Variants in IQGAP2 observed in about 807,000 individuals in gnomAD.
IQGAP2 encodes the protein ras GTPase-activating-like protein IQGAP2.
Under a neutral mutation model 201.3 loss-of-function variants are expected in IQGAP2, and 173 were observed. The ratio of observed to expected loss-of-function variants is 0.86; its 90% CI spans 0.76 to 0.98. The LOEUF (loss-of-function observed/expected upper bound fraction) is 0.98, where lower values mean the gene tolerates loss of function less well. Among genes scored for constraint, IQGAP2 ranks in the 50% least tolerant of loss-of-function variants. The probability of loss-of-function intolerance (pLI) is 0.00; values close to 1 mark genes in which losing one functional copy is unlikely to be tolerated. For missense variants in IQGAP2, 1,687 were observed against 1,864.8 expected (o/e 0.90, Z 1.76); for synonymous variants, 675 against 673.9 (o/e 1.00, Z -0.03).
intron 2 of IQGAP2, among the ~76,000 whole-genome samples, chr5:76,526,905 T>C (rs1283750158): frequency 6.6e-6 from 1 of 152,236 alleles, no homozygotes; most frequent in African/African-American, 2.4e-5. Context: ...CTATAGGCCA[T>C]AAGGATGTGT....
intron 2 of IQGAP2, among the ~76,000 whole-genome samples, chr5:76,475,663 A>G (rs1319971089): frequency 6.6e-6 from 1 of 152,144 alleles, no homozygotes; most frequent in Admixed American, 6.5e-5. Context: ...TTTCCTTGGT[A>G]ATCTCAACCA....
intron 2 of IQGAP2, among the ~76,000 whole-genome samples, chr5:76,542,546 G>A (rs1011581368): frequency 1.2e-4 from 19 of 152,286 alleles, no homozygotes; most frequent in African/African-American, 4.1e-4. Flanking sequence ...ATAAATAATC[G>A]AGGTGATTAG....
At chr5:76,451,520 G>A (rs1487264127) in intron 1 of IQGAP2, among the ~76,000 whole-genome samples, 1 of 152,200 alleles carries the variant, frequency 6.6e-6, no homozygotes, top group East Asian at 1.9e-4. Context: ...CATGGCATTA[G>A]TCATCTTCTG....
intron 9 of IQGAP2, among the ~76,000 whole-genome samples, chr5:76,594,159 A>T (rs1746851952): frequency 6.6e-6 from 1 of 152,172 alleles, no homozygotes; most frequent in African/African-American, 2.4e-5. Context: ...AGTACAATTT[A>T]AAGTTTGTCT....
intron 9 of IQGAP2, among the ~76,000 whole-genome samples, chr5:76,593,953 A>G (rs745348504): frequency 6.6e-6 from 1 of 152,252 alleles, no homozygotes; most frequent in Non-Finnish European, 1.5e-5. Context: ...TAATTAAGGA[A>G]AGCCCCAGAG....
chr5:76,436,908 TATAC>T (rs558853159), intron 1 of IQGAP2, among the ~76,000 whole-genome samples: 4 of 151,906 alleles, frequency 2.6e-5, no homozygotes, highest in African/African-American at 4.8e-5. Flanking sequence ...ATGTTTATGT[TATAC>T]ATACATACAT....
rs888183216 is a variant in IQGAP2 at position 76,695,771 on chromosome 5, A to G, written c.4206+105A>G. The G allele has an allele frequency of 4.3e-5, 36 of 827,996 alleles. No homozygotes were observed. The East Asian group carries it at 9.7e-4, about 22-fold the overall frequency. 51.3% of individuals were successfully genotyped at this position (827,996 alleles called of 1,614,324 possible). ...GGTGGCATTAGGGATTCATGGTTGC[A>G]TATGCTGTGGTTACTGCCCTCTTCA... On this transcript the variant is annotated intron_variant, in intron 32 of 35. Transcript: ENST00000274364.
chr5:76,578,672 G>A (rs1176966107), intron 5 of IQGAP2, among the ~76,000 whole-genome samples: 1 of 152,062 alleles, frequency 6.6e-6, no homozygotes, highest in East Asian at 1.9e-4. Flanking sequence ...AGTAATGTAT[G>A]CTCATTGTGG....
intron 1 of IQGAP2, among the ~76,000 whole-genome samples, chr5:76,441,789 A>G (rs1753055818): frequency 6.6e-6 from 1 of 152,224 alleles, no homozygotes. Flanking sequence ...GAAAGCAAGA[A>G]TGAGAAATCC....
chr5:76,705,103 C>T (rs1030225917), intron 35 of IQGAP2, among the ~76,000 whole-genome samples: 1 of 152,068 alleles, frequency 6.6e-6, no homozygotes, highest in African/African-American at 2.4e-5. Flanking sequence ...GGTGGGCCTT[C>T]TTCCTCTCCT....
intron 1 of IQGAP2, among the ~76,000 whole-genome samples, chr5:76,449,522 A>G (rs1753602425): frequency 1.3e-5 from 2 of 152,234 alleles, no homozygotes; most frequent in South Asian, 2.1e-4. Flanking sequence ...AACATTAGTT[A>G]GAGACTTTGC....
chr5:76,464,805 A>G (rs1418451480), intron 2 of IQGAP2, among the ~76,000 whole-genome samples: 1 of 152,202 alleles, frequency 6.6e-6, no homozygotes, highest in East Asian at 1.9e-4. Context: ...CATGCCAATG[A>G]AAACTTAGAG....
chr5:76,485,871 A>G (rs1467627703), intron 2 of IQGAP2, among the ~76,000 whole-genome samples: 3 of 152,180 alleles, frequency 2.0e-5, no homozygotes, highest in Admixed American at 1.3e-4. Flanking sequence ...TATATTTGAC[A>G]TATTTCAAGT....
intron 17 of IQGAP2, among the ~76,000 whole-genome samples, chr5:76,644,698 C>CA (rs1201369689): frequency 2.0e-5 from 3 of 152,096 alleles, no homozygotes; most frequent in Non-Finnish European, 2.9e-5. Flanking sequence ...GAAGAGATTA[C>CA]AATGTCATGG....
At chr5:76,641,952 T>A (rs1026738942) in intron 17 of IQGAP2, among the ~76,000 whole-genome samples, 3 of 152,208 alleles carry the variant, frequency 2.0e-5, no homozygotes, top group Non-Finnish European at 4.4e-5. Context: ...CAAACATTTG[T>A]CTTCTTGTAT....
intron 1 of IQGAP2, among the ~76,000 whole-genome samples, chr5:76,425,522 G>A (rs1382042951): frequency 1.3e-5 from 2 of 152,060 alleles, no homozygotes; most frequent in Admixed American, 1.3e-4. Context: ...TAAATAGTAC[G>A]GGGAAAGGAC....
Position 76,673,987 on chromosome 5 carries a change from A to G in IQGAP2, c.3245A>G (p.Asn1082Ser). The G allele has an allele frequency of 6.2e-7, 1 of 1,608,866 alleles. No homozygotes were observed. The highest frequency in any genetic ancestry group is 8.5e-7 in the Non-Finnish European group (1 of 1,175,310). Reference protein sequence around the residue: ...GLRYIAKVLKNSIHEKFPDAT... With the variant: ...GLRYIAKVLKSSIHEKFPDAT... ...AGGTATATAGCCAAAGTACTGAAGA[A>G]TTCGATCCATGAGAAATTCCCCGAT... Residue 1082 changes from asparagine to serine, a missense_variant, in exon 26 of 36, where the codon AAT becomes AGT. By Grantham distance (46) the Asn-to-Ser change is conservative. Coordinates refer to ENST00000274364, the MANE Select transcript of IQGAP2 (RefSeq NM_006633.5).
At chr5:76,452,589 G>A (rs1042927218) in intron 1 of IQGAP2, among the ~76,000 whole-genome samples, 3 of 152,180 alleles carry the variant, frequency 2.0e-5, no homozygotes, top group Admixed American at 6.5e-5. Context: ...TTAATTTTAT[G>A]TGGTTTTCAG....
chr5:76,645,429 C>T (rs895712520), intron 17 of IQGAP2, among the ~76,000 whole-genome samples: 3 of 152,216 alleles, frequency 2.0e-5, no homozygotes, highest in African/African-American at 7.2e-5. Flanking sequence ...GCCACACTGT[C>T]TTCCACAATG....
Sources: allele counts gnomAD v4.1 joint callset (sites outside exome capture counted in the v4.1 genomes callset), GRCh38; gene constraint gnomAD v4.1.1; transcripts MANE v1.5; gene names NCBI Gene and HGNC (gene_info 2026-07-23, HGNC 2026-07-21).